Variants in PCDHGA9 observed in about 807,000 individuals in gnomAD.
PCDHGA9 encodes the protein protocadherin gamma subfamily A, 9.
PCDHGA9 carries 37 observed loss-of-function variants against 62.5 expected under a neutral mutation model. The ratio of observed to expected loss-of-function variants is 0.59; its 90% CI spans 0.46 to 0.78. PCDHGA9 has a LOEUF of 0.78. Ranked by LOEUF, PCDHGA9 falls within the 30% of genes least tolerant of loss-of-function variation. PCDHGA9 has a pLI of 0.00. For missense variants in PCDHGA9, 1,138 were observed against 1,166.2 expected (o/e 0.98, Z 0.35); for synonymous variants, 459 against 484.6 (o/e 0.95, Z 0.69).
rs377248872 is a variant in PCDHGA9 at position 141,489,231 on chromosome 5, C to T, written c.2425-5576C>T. 2 of 1,528,166 alleles carry T rather than the reference C, an allele frequency of 1.3e-6. No homozygotes were observed. The highest frequency in any genetic ancestry group is 1.4e-5 in the African/African-American group (1 of 72,140). The allele number at this position is 1,528,166 out of a possible 1,614,324, so 94.7% of individuals were successfully genotyped here. A position where few individuals can be genotyped will look rare whatever the true frequency, so the allele number is the denominator to read the frequency against. On this transcript the variant is annotated intron_variant, in intron 1 of 3. Transcript: ENST00000573521. This position sits in a 1 kb window ranked among gnomAD's most constrained non-coding sequence, Gnocchi z 4.5. ...CACAGACTTACTCTCCACAAAGGGA[C>T]TTCTGGGTCATGGGGCCCAAGACAC...
At chr5:141,405,757 C>T (rs754575292) in intron 1 of PCDHGA9, among the ~76,000 whole-genome samples, 13 of 152,264 alleles carry the variant, frequency 8.5e-5, no homozygotes, top group East Asian at 3.9e-4. Context: ...GGATTACAGG[C>T]GTGAGCCACT....
At chr5:141,415,372 G>A in intron 1 of PCDHGA9, 1 of 1,614,252 alleles carries the variant, frequency 6.2e-7, no homozygotes, top group Non-Finnish European at 8.5e-7. Flanking sequence ...GCAGGCTTCA[G>A]GAGGCGGCTT....
intron 1 of PCDHGA9, among the ~76,000 whole-genome samples, chr5:141,434,384 G>T (rs980455943): frequency 2.6e-5 from 4 of 152,208 alleles, no homozygotes; most frequent in African/African-American, 4.8e-5. Context: ...CCCAAAACTG[G>T]CCATAAACAA....
At chr5:141,419,939 G>T in intron 1 of PCDHGA9, 1 of 1,614,054 alleles carries the variant, frequency 6.2e-7, no homozygotes. Flanking sequence ...TTACCTGGTG[G>T]TGGCCTTGGC....
At position 141,431,698 on chromosome 5, in the gene PCDHGA9, AT is replaced by A. The variant is rs2097408637; in HGVS notation, c.2424+26324del. ...GGGAGTTGGACCACGAGGAGTCAGG[AT>A]TCTACCAGATGGAAGTGCAAGCAAT... On this transcript the variant is annotated intron_variant, in intron 1 of 3. Coordinates refer to ENST00000573521, the MANE Select transcript of PCDHGA9 (RefSeq NM_018921.3). The surrounding 1 kb of genome is among the most constrained non-coding windows in gnomAD (Gnocchi z 4.8). 4.3e-6 allele frequency: 7 copies of A among 1,614,104 alleles called. 1 individual carries two copies. The South Asian group carries it at 7.7e-5, about 18-fold the overall frequency.
chr5:141,489,297 G>T lies in PCDHGA9; in HGVS notation c.2425-5510G>T. On this transcript the variant is annotated intron_variant, in intron 1 of 3. Transcript: ENST00000573521. This position sits in a 1 kb window ranked among gnomAD's most constrained non-coding sequence, Gnocchi z 4.5. Reference sequence around the variant, plus strand: ...GGAAATGGCAAGTGCTGTGCATGTTGTCCTTGTGCTGCTGGGGCTGGGTGT... The same window carrying T: ...GGAAATGGCAAGTGCTGTGCATGTTTTCCTTGTGCTGCTGGGGCTGGGTGT... 1.9e-6 allele frequency: 3 copies of T among 1,583,774 alleles called. No homozygotes were observed. Among genetic ancestry groups the T allele is most frequent in the Non-Finnish European group, 8.6e-7 (1 of 1,164,904 alleles).
rs763303627 is a variant in PCDHGA9 at position 141,489,719 on chromosome 5, C to T, written c.2425-5088C>T. The T allele has an allele frequency of 1.4e-5, 22 of 1,613,946 alleles. No homozygotes were observed. The highest frequency in any genetic ancestry group is 9.3e-5 in the African/African-American group (7 of 74,924). On this transcript the variant is annotated intron_variant, in intron 1 of 3. Coordinates refer to ENST00000573521, the MANE Select transcript of PCDHGA9 (RefSeq NM_018921.3). The surrounding 1 kb of genome is among the most constrained non-coding windows in gnomAD (Gnocchi z 4.5). ...TTCCCACTGGACAGTGCCCAGGATCCGGATGTGGGCACCAATACTGTGAGC... is the reference window on the plus strand; with the variant it reads ...TTCCCACTGGACAGTGCCCAGGATCTGGATGTGGGCACCAATACTGTGAGC...
chr5:141,425,934 G>A lies in PCDHGA9; in HGVS notation c.2424+20558G>A, dbSNP rs1237431530. Among the ~76,000 whole-genome samples, 4 of 152,352 alleles carry A rather than the reference G, an allele frequency of 2.6e-5. 1 individual carries two copies. Among genetic ancestry groups the A allele is most frequent in the East Asian group, 1.9e-4 (1 of 5,188 alleles). On this transcript the variant is annotated intron_variant, in intron 1 of 3. Coordinates refer to ENST00000573521, the MANE Select transcript of PCDHGA9 (RefSeq NM_018921.3). ...CAGTCACTACGAAAACTCATAAAAT[G>A]TCTAGTTTCCTATACATTAGTCCAA...
chr5:141,402,983 G>A lies in PCDHGA9; in HGVS notation c.31G>A (p.Gly11Arg), dbSNP rs748129276. 6.2e-6 allele frequency: 10 copies of A among 1,609,166 alleles called. No individual in the cohort carries two copies. Among genetic ancestry groups the A allele is most frequent in the African/African-American group, 1.3e-5 (1 of 74,776 alleles). Reference protein sequence around the residue: MAAPTKCQLRGRLVLLCSLLG... With the variant: MAAPTKCQLRRRLVLLCSLLG... ...AGCTCCAACCAAATGCCAGCTCCGC[G>A]GAAGATTAGTCCTGCTATGCTCGCT... is the stretch of plus-strand genomic sequence containing the variant. Residue 11 changes from glycine (G) to arginine (R), a missense_variant, in exon 1 of 4, where the codon GGA becomes AGA. Physicochemically the swap from Gly to Arg is moderately radical, Grantham distance 125. Coordinates refer to ENST00000573521, the MANE Select transcript of PCDHGA9 (RefSeq NM_018921.3).
At chr5:141,410,011 G>A in intron 1 of PCDHGA9, 1 of 1,613,302 alleles carries the variant, frequency 6.2e-7, no homozygotes, top group Non-Finnish European at 8.5e-7. Context: ...ACAACGCCTG[G>A]CTGTCCTACC....
At position 141,432,135 on chromosome 5, in the gene PCDHGA9, C is replaced by T; in HGVS notation, c.2424+26759C>T. On this transcript the variant is annotated intron_variant, in intron 1 of 3. Transcript: ENST00000573521. This position sits in a 1 kb window ranked among gnomAD's most constrained non-coding sequence, Gnocchi z 6.0. ...GTCTTCCCTCAGGCCTCCTATTCCGCTTATATCCCAGAGAACAATCCCAGA... is the reference window on the plus strand; with the variant it reads ...GTCTTCCCTCAGGCCTCCTATTCCGTTTATATCCCAGAGAACAATCCCAGA... The T allele has an allele frequency of 6.2e-7, 1 of 1,614,140 alleles. No homozygotes were observed. Among genetic ancestry groups the T allele is most frequent in the Non-Finnish European group, 8.5e-7 (1 of 1,180,026 alleles).
intron 1 of PCDHGA9, chr5:141,415,337 G>A: frequency 1.2e-6 from 2 of 1,614,210 alleles, no homozygotes; most frequent in Non-Finnish European, 1.7e-6. Flanking sequence ...CACAGGCTGC[G>A]GCGCTGGCAC....
In PCDHGA9 at chr5:141,402,839, C is replaced by T. The variant is rs2094312458; in HGVS notation, c.-114C>T. ...AACCTGCTCCCAGGCTGCAGCAAAA[C>T]TCAGCCTCTTTCTTCTAAGGAAAAG... is the stretch of plus-strand genomic sequence containing the variant. On this transcript the variant is annotated 5_prime_UTR_variant, in exon 1 of 4. Transcript: ENST00000573521. 1 of 1,386,198 alleles carries T rather than the reference C, an allele frequency of 7.2e-7. No individual in the cohort carries two copies. The highest frequency in any genetic ancestry group is 9.5e-7 in the Non-Finnish European group (1 of 1,055,590). The allele number at this position is 1,386,198 out of a possible 1,614,324, so 85.9% of individuals were successfully genotyped here. A position where few individuals can be genotyped will look rare whatever the true frequency, so the allele number is the denominator to read the frequency against.
At chr5:141,430,786 C>G (rs992448490) in intron 1 of PCDHGA9, 1 of 1,513,352 alleles carries the variant, frequency 6.6e-7, no homozygotes, top group Non-Finnish European at 8.8e-7. Context: ...TGCACCGGGA[C>G]TACAAAGGGC....
chr5:141,427,568 T>A (rs1260622772), intron 1 of PCDHGA9: 1 of 660,576 alleles, frequency 1.5e-6, no homozygotes, highest in Admixed American at 2.1e-5. Flanking sequence ...AGGGCAAGCC[T>A]CCGCTCTCAT....
intron 3 of PCDHGA9, among the ~76,000 whole-genome samples, chr5:141,509,532 A>C (rs2099877210): frequency 6.6e-6 from 1 of 152,124 alleles, no homozygotes; most frequent in African/African-American, 2.4e-5. Flanking sequence ...GCACAGGATG[A>C]AGCACCATCT....
At chr5:141,427,422 G>C (rs922637577) in intron 1 of PCDHGA9, 1 of 468,292 alleles carries the variant, frequency 2.1e-6, no homozygotes, top group Non-Finnish European at 4.3e-6. Context: ...AAATGGGGAG[G>C]TTACATGCCT....
intron 2 of PCDHGA9, among the ~76,000 whole-genome samples, chr5:141,498,397 G>A (rs1019408022): frequency 1.3e-5 from 2 of 152,136 alleles, no homozygotes; most frequent in African/African-American, 4.8e-5. Flanking sequence ...GAATGGCAGG[G>A]AGTTTTCTCT....
At chr5:141,510,860 G>A (rs1274817106) in intron 3 of PCDHGA9, 87 bp from the exon 4 acceptor site, 11 of 1,606,558 alleles carry the variant, frequency 6.8e-6, no homozygotes, top group South Asian at 4.4e-5. Context: ...GTGCTGTATA[G>A]GCATTCATTA....
Sources: allele counts gnomAD v4.1 joint callset (sites outside exome capture counted in the v4.1 genomes callset), GRCh38; gene constraint gnomAD v4.1.1; non-coding constraint Gnocchi (gnomAD v3.1); transcripts MANE v1.5; gene names NCBI Gene and HGNC (gene_info 2026-07-23, HGNC 2026-07-21).